The following GALNT18 variants were observed in gnomAD, a reference collection of about 807,000 sequenced individuals.
GALNT18 encodes GalNAc-transferase 18.
A neutral mutation model predicts 69.5 loss-of-function variants in GALNT18; 44 were observed. The observed-to-expected ratio is 0.63, with a 90% CI of 0.50 to 0.81. The LOEUF (loss-of-function observed/expected upper bound fraction) is 0.81, where lower values mean the gene tolerates loss of function less well. Among genes scored for constraint, GALNT18 ranks in the 40% least tolerant of loss-of-function variants. The pLI is 0.00. For synonymous variants in GALNT18, 364 were observed against 318.2 expected, an observed-to-expected ratio of 1.14 and a Z score of -1.53; for missense variants, 715 against 810.0, an observed-to-expected ratio of 0.88 and a Z score of 1.42.
At chr11:11,554,134 C>T (rs1206740921) in intron 1 of GALNT18, among the ~76,000 whole-genome samples, 5 of 152,196 alleles carry the variant, frequency 3.3e-5, no homozygotes, top group East Asian at 1.9e-4. Context: ...GGCTTCTTCC[C>T]GACTCAGCTC....
intron 1 of GALNT18, among the ~76,000 whole-genome samples, chr11:11,458,714 C>T (rs777993135): frequency 1.4e-4 from 21 of 152,248 alleles, no homozygotes; most frequent in Admixed American, 3.9e-4. Flanking sequence ...GGAACAGCAG[C>T]GTTCAGCCTC....
At chr11:11,369,068 T>C (rs549145191) in intron 6 of GALNT18, among the ~76,000 whole-genome samples, 2 of 152,248 alleles carry the variant, frequency 1.3e-5, no homozygotes, top group Non-Finnish European at 2.9e-5. Context: ...CTGTTCTCTG[T>C]ATTCTATGAA....
chr11:11,588,085 T>C (rs956126776), intron 1 of GALNT18, among the ~76,000 whole-genome samples: 1 of 152,088 alleles, frequency 6.6e-6, no homozygotes, highest in Admixed American at 6.5e-5. Flanking sequence ...TTCAAATACT[T>C]CTTTCTCCAT....
In GALNT18 at chr11:11,415,091, G is replaced by T. The variant is rs770524774; in HGVS notation, c.595+17530C>A. 1.3e-5 allele frequency among the ~76,000 whole-genome samples: 2 copies of T among 152,200 alleles called. No homozygotes were observed. The highest frequency in any genetic ancestry group is 1.3e-4 in the Admixed American group (2 of 15,282). ...CAAGAGGCTGCCCAATCTCCTTGCCGCATGGACAGTTCACAGCATGGGTCT... is the reference window on the plus strand; with the variant it reads ...CAAGAGGCTGCCCAATCTCCTTGCCTCATGGACAGTTCACAGCATGGGTCT... On this transcript the variant is annotated intron_variant, in intron 3 of 10. Transcript: ENST00000227756. The surrounding 1 kb of genome is among the most constrained non-coding windows in gnomAD (Gnocchi z 4.1).
intron 1 of GALNT18, among the ~76,000 whole-genome samples, chr11:11,474,180 A>C (rs2133858193): frequency 6.6e-6 from 1 of 152,374 alleles, no homozygotes. Flanking sequence ...AACTTGGAGG[A>C]GAGCTGCTGC....
chr11:11,513,284 T>C (rs1857200825), intron 1 of GALNT18, among the ~76,000 whole-genome samples: 1 of 152,214 alleles, frequency 6.6e-6, no homozygotes, highest in African/African-American at 2.4e-5. Context: ...CAGCAACAGA[T>C]ACGAGGCTTG....
intron 1 of GALNT18, among the ~76,000 whole-genome samples, chr11:11,553,685 C>A (rs565891406): frequency 6.6e-6 from 1 of 152,052 alleles, no homozygotes; most frequent in African/African-American, 2.4e-5. Flanking sequence ...CAAGCTCCCC[C>A]CCAGCACCCC....
chr11:11,561,710 G>A (rs1344840071), intron 1 of GALNT18, among the ~76,000 whole-genome samples: 1 of 152,226 alleles, frequency 6.6e-6, no homozygotes, highest in Non-Finnish European at 1.5e-5. Context: ...TGTCATGGGT[G>A]TGGTTTCCCA....
chr11:11,353,114 C>A, intron 6 of GALNT18: 1 of 1,614,088 alleles, frequency 6.2e-7, no homozygotes, highest in Non-Finnish European at 8.5e-7. Context: ...GCACGGGTCC[C>A]GACATGTCAG....
intron 10 of GALNT18, among the ~76,000 whole-genome samples, chr11:11,290,995 A>C (rs1248987670): frequency 6.6e-6 from 1 of 152,214 alleles, no homozygotes; most frequent in African/African-American, 2.4e-5. Context: ...GAGAAACAAC[A>C]GCCATCCTTC....
chr11:11,600,090 C>T lies in GALNT18; in HGVS notation c.235+21269G>A, dbSNP rs1166729330. Among the ~76,000 whole-genome samples, 2 of 152,050 alleles carry T rather than the reference C, an allele frequency of 1.3e-5. No homozygotes were observed. The highest frequency in any genetic ancestry group is 2.4e-5 in the African/African-American group (1 of 41,434). ...TTGTGCTTCCTGTTAATATATATTA[C>T]ATTTCTATATAAGCTCAGCAGTACA... On this transcript the variant is annotated intron_variant, in intron 1 of 10. Coordinates refer to ENST00000227756, the MANE Select transcript of GALNT18 (RefSeq NM_198516.3). This position sits in a 1 kb window ranked among gnomAD's most constrained non-coding sequence, Gnocchi z 4.8.
At chr11:11,456,489 G>A (rs868697927) in intron 1 of GALNT18, among the ~76,000 whole-genome samples, 9 of 152,076 alleles carry the variant, frequency 5.9e-5, no homozygotes, top group African/African-American at 1.9e-4. Flanking sequence ...TACCTCCAGG[G>A]CCCCCCTGCA....
rs140721379 is a variant in GALNT18, at chr11:11,403,942, C to T, written c.596-24678G>A. ...GCCCTGCTGCCAGCAGCTGTAACTG[C>T]TCCCCCTTAGATGGTCGGAGGATCC... On this transcript the variant is annotated intron_variant, in intron 3 of 10. Coordinates refer to ENST00000227756, the MANE Select transcript of GALNT18 (RefSeq NM_198516.3). 4.6e-3 allele frequency among the ~76,000 whole-genome samples: 704 copies of T among 152,346 alleles called. 3 individuals are homozygous for T. Among genetic ancestry groups the T allele is most frequent in the African/African-American group, 0.015 (626 of 41,584 alleles).
At chr11:11,612,721 T>C (rs576717424) in intron 1 of GALNT18, among the ~76,000 whole-genome samples, 1 of 152,350 alleles carries the variant, frequency 6.6e-6, no homozygotes, top group South Asian at 2.1e-4. Flanking sequence ...GGAACTCTGC[T>C]CTGAGACTTA....
chr11:11,451,172 C>G (rs1054954500), intron 1 of GALNT18, among the ~76,000 whole-genome samples: 2 of 152,146 alleles, frequency 1.3e-5, no homozygotes, highest in African/African-American at 4.8e-5. Flanking sequence ...TCATTCTTCT[C>G]CCCTACTAGG....
chr11:11,504,141 G>A (rs1462679982), intron 1 of GALNT18, among the ~76,000 whole-genome samples: 1 of 152,182 alleles, frequency 6.6e-6, no homozygotes, highest in Non-Finnish European at 1.5e-5. Context: ...GAGGGCCAGG[G>A]CATGTGCCAC....
chr11:11,554,114 G>A (rs1858269632), intron 1 of GALNT18, among the ~76,000 whole-genome samples: 3 of 152,184 alleles, frequency 2.0e-5, no homozygotes, highest in South Asian at 2.1e-4. Flanking sequence ...CACTCCCTCC[G>A]CTGACTGGCG....
rs533304375 is a variant in GALNT18 at position 11,525,451 on chromosome 11, T to A, written c.236-76515A>T. The stretch of plus-strand genomic sequence containing the variant: ...AAAAGCAAAAAAGTTCACGAAACAT[T>A]TCAGTGGCGAAATCGGTAAGACTTG... On this transcript the variant is annotated intron_variant, in intron 1 of 10. Transcript: ENST00000227756. Among the ~76,000 whole-genome samples, 4 of 152,096 alleles carry A rather than the reference T, an allele frequency of 2.6e-5. No homozygotes were observed. In the South Asian group the frequency reaches 8.3e-4, roughly 32 times the overall value.
chr11:11,498,997 A>T (rs1247495625), intron 1 of GALNT18, among the ~76,000 whole-genome samples: 2 of 152,232 alleles, frequency 1.3e-5, no homozygotes, highest in Non-Finnish European at 2.9e-5. Context: ...ACAAAAACAG[A>T]GCAAATTGTG....
Sources: gnomAD v4.1 joint callset for allele counts (sites outside exome capture counted in the v4.1 genomes callset) on GRCh38, gnomAD v4.1.1 for gene constraint, Gnocchi (gnomAD v3.1) non-coding constraint, MANE v1.5 for transcripts, NCBI Gene and HGNC (gene_info 2026-07-23, HGNC 2026-07-21) for gene names.